The following DGKK variants were observed in gnomAD, a reference collection of about 807,000 sequenced individuals.
DGKK encodes the protein diacylglycerol kinase kappa.
A neutral mutation model predicts 92.2 loss-of-function variants in DGKK; 35 were observed. The observed-to-expected ratio is 0.38, with a 90% CI of 0.29 to 0.50. DGKK has a LOEUF of 0.50. DGKK is among the 20% of genes least tolerant of loss of function. DGKK has a pLI of 0.92. For synonymous variants in DGKK, 368 were observed against 360.6 expected (o/e 1.02, Z -0.23); for missense variants, 910 against 992.2 (o/e 0.92, Z 1.11).
At chrX:50,420,338 C>A in intron 4 of DGKK, 65 bp downstream of exon 4, 1 of 1,026,169 alleles carries the variant, frequency 9.7e-7, no homozygotes, top group Non-Finnish European at 1.4e-6. Flanking sequence ...CTAAAGGTGG[C>A]TTAACTAATG....
At chrX:50,375,566 G>T (rs1924248896) in intron 24 of DGKK, among the ~76,000 whole-genome samples, 1 of 111,574 alleles carries the variant, frequency 9.0e-6, no homozygotes, top group African/African-American at 3.3e-5. Context: ...AACAATTCTG[G>T]CAGTGGACAA....
At chrX:50,417,493 G>A (rs1460832874) in intron 4 of DGKK, among the ~76,000 whole-genome samples, 2 of 110,864 alleles carry the variant, frequency 1.8e-5, no homozygotes, top group Non-Finnish European at 3.8e-5. Context: ...TCATTAGGAA[G>A]AGCTAACTTT....
intron 1 of DGKK, among the ~76,000 whole-genome samples, chrX:50,454,256 T>A (rs911593329): frequency 2.2e-4 from 25 of 111,514 alleles, no homozygotes; most frequent in African/African-American, 7.8e-4. Flanking sequence ...CAGTTATTTG[T>A]ATACTTGGTC....
chrX:50,383,169 T>C (rs781977817), intron 17 of DGKK, among the ~76,000 whole-genome samples: 15 of 112,182 alleles, frequency 1.3e-4, no homozygotes, highest in South Asian at 7.6e-4. Context: ...TGGTGTGCCA[T>C]AGCCAGTTGG....
chrX:50,403,000 T>A, intron 7 of DGKK, 61 bp downstream of exon 7: 1 of 1,187,279 alleles, frequency 8.4e-7, no homozygotes, highest in Non-Finnish European at 1.1e-6. Context: ...ATGGTCAAGC[T>A]CTAAGCCACT....
At position 50,378,650 on chromosome X, in the gene DGKK, C is replaced by T. The variant is rs1557224111; in HGVS notation, c.2904G>A (p.Val968=). ...TCTGCACAGAACCAAAGATTGCCAC[C>T]ACCTCCAGTTTCCCATCATCGATTG... ...APAIDDGKLE[V]VAIFGSVQMA... is the part of the protein sequence containing the mutation. The change falls in exon 21 of 28, where the codon GTG becomes GTA. Residue 968 remains valine, a synonymous_variant. Transcript: ENST00000611977. 1 of 1,209,384 alleles carries T rather than the reference C, an allele frequency of 8.3e-7. No homozygotes were observed. The highest frequency in any genetic ancestry group is 1.8e-5 in the South Asian group (1 of 56,199).
At chrX:50,407,755 T>C (rs186605543) in intron 4 of DGKK, among the ~76,000 whole-genome samples, 2 of 112,095 alleles carry the variant, frequency 1.8e-5, no homozygotes, top group African/African-American at 6.5e-5. Context: ...CCTATCCATA[T>C]TGCAAAACCC....
intron 1 of DGKK, among the ~76,000 whole-genome samples, chrX:50,439,180 C>A (rs1926108130): frequency 9.0e-6 from 1 of 111,422 alleles, no homozygotes; most frequent in South Asian, 3.8e-4. Context: ...TCAATTGGCT[C>A]CTAAAGGCCA....
intron 1 of DGKK, among the ~76,000 whole-genome samples, chrX:50,432,615 T>C (rs1184804903): frequency 8.9e-6 from 1 of 112,610 alleles, no homozygotes; most frequent in African/African-American, 3.2e-5. Context: ...GACAGTGCTT[T>C]CAAATCTTAT....
chrX:50,447,342 A>T (rs201903400), intron 1 of DGKK, among the ~76,000 whole-genome samples: 6 of 14,417 alleles, frequency 4.2e-4, no homozygotes, highest in Admixed American at 1.8e-3. Context: ...ATATATATAT[A>T]TTATATATAT....
intron 3 of DGKK, among the ~76,000 whole-genome samples, chrX:50,421,922 T>C (rs782801431): frequency 8.9e-6 from 1 of 111,911 alleles, no homozygotes; most frequent in East Asian, 2.8e-4. Context: ...AGTTTTCTGG[T>C]CTGGATTCAC....
intron 8 of DGKK, among the ~76,000 whole-genome samples, chrX:50,398,668 A>G (rs1387200524): frequency 1.8e-5 from 2 of 112,106 alleles, no homozygotes; most frequent in Non-Finnish European, 3.8e-5. Flanking sequence ...TAGGATAGGA[A>G]GAAATAAATT....
intron 1 of DGKK, among the ~76,000 whole-genome samples, chrX:50,430,354 G>C (rs1925856613): frequency 8.9e-6 from 1 of 111,934 alleles, no homozygotes; most frequent in African/African-American, 3.2e-5. Context: ...GTTACCACTC[G>C]ACGCTTCTTA....
At chrX:50,443,452 G>A (rs1926213522) in intron 1 of DGKK, among the ~76,000 whole-genome samples, 1 of 110,736 alleles carries the variant, frequency 9.0e-6, no homozygotes, top group South Asian at 3.8e-4. Context: ...TACATATAAA[G>A]CAAAATATTT....
At chrX:50,386,246 G>A (rs1924540342) in intron 15 of DGKK, 112 bp downstream of exon 15, 1 of 539,610 alleles carries the variant, frequency 1.9e-6, no homozygotes. Flanking sequence ...GCAGAATCTA[G>A]ACTTTTTGTA....
intron 1 of DGKK, among the ~76,000 whole-genome samples, chrX:50,433,318 C>T (rs1444791732): frequency 8.9e-6 from 1 of 112,088 alleles, no homozygotes; most frequent in Non-Finnish European, 1.9e-5. Context: ...CCAAGAGGGG[C>T]TGTGCTTACT....
Position 50,371,726 on chromosome X carries a change from C to T in DGKK, c.3610G>A (p.Glu1204Lys). The stretch of plus-strand genomic sequence containing the variant: ...TCCCAATTCCCAAGATTACGCACCT[C>T]TGGAACAAAGATTGGATTCATCCAG... ...IDWMNPIFVP[E>K]EKSSDTDSRS... The change falls in exon 26 of 28, where the codon GAG becomes AAG. Residue 1204 changes from glutamate (E) to lysine (K), a missense_variant and splice_region_variant. Physicochemically the swap from Glu to Lys is moderately conservative, Grantham distance 56 (BLOSUM62 1). Coordinates refer to ENST00000611977, the MANE Select transcript of DGKK (RefSeq NM_001013742.4). 1 of 1,190,080 alleles carries T rather than the reference C, an allele frequency of 8.4e-7. No individual in the cohort carries two copies. Among genetic ancestry groups the T allele is most frequent in the East Asian group, 3.0e-5 (1 of 33,591 alleles).
intron 1 of DGKK, among the ~76,000 whole-genome samples, chrX:50,447,343 T>TATATTA (rs1491387960): frequency 8.1e-5 from 1 of 12,300 alleles, no homozygotes; most frequent in African/African-American, 6.6e-4. Context: ...TATATATATA[T>TATATTA]TATATATATA....
chrX:50,406,768 T>C, intron 4 of DGKK, among the ~76,000 whole-genome samples: 1 of 112,149 alleles, frequency 8.9e-6, no homozygotes, highest in East Asian at 2.8e-4. Context: ...ACTTCTAGAC[T>C]CTAAAACTGT....
Sources: allele counts gnomAD v4.1 joint callset (sites outside exome capture counted in the v4.1 genomes callset), GRCh38; gene constraint gnomAD v4.1.1; transcripts MANE v1.5; gene names NCBI Gene and HGNC (gene_info 2026-07-23, HGNC 2026-07-21).